Variants in ZNF516 observed in about 807,000 individuals in gnomAD.
ZNF516 encodes the protein zinc finger protein 516.
In ZNF516, 19 loss-of-function variants were observed where a neutral mutation model predicts 79.7. The observed-to-expected ratio is 0.24, with a 90% CI of 0.17 to 0.35. ZNF516 has a LOEUF of 0.35. Ranked by LOEUF, ZNF516 falls within the 10% of genes least tolerant of loss-of-function variation. The pLI is 1.00. For synonymous variants in ZNF516, 877 were observed against 739.5 expected (o/e 1.19, Z -3.02); for missense variants, 1,678 against 1,679.5 (o/e 1.00, Z 0.02).
chr18:76,424,672 C>T (rs561128168), intron 3 of ZNF516, among the ~76,000 whole-genome samples: 6 of 140,872 alleles, frequency 4.3e-5, no homozygotes, highest in East Asian at 2.2e-4. Context: ...CCATGAAACA[C>T]ACGCAGGTGA....
chr18:76,395,481 G>A (rs73978106), intron 3 of ZNF516, among the ~76,000 whole-genome samples: 1,689 of 152,264 alleles, frequency 0.011, 31 homozygotes, highest in African/African-American at 0.039. Context: ...AGCATGAAGC[G>A]CAAGATGAAT....
At chr18:76,475,803 T>TA (rs1009511676) in intron 1 of ZNF516, among the ~76,000 whole-genome samples, 26 of 151,396 alleles carry the variant, frequency 1.7e-4, no homozygotes, top group African/African-American at 4.4e-4. Flanking sequence ...TACGCAAAAT[T>TA]AAAAAAAAAT....
chr18:76,405,840 G>T (rs917116907), intron 3 of ZNF516, among the ~76,000 whole-genome samples: 1 of 152,144 alleles, frequency 6.6e-6, no homozygotes, highest in Admixed American at 6.5e-5. Context: ...GGTCAAAGGC[G>T]ACTCACCTTC....
At chr18:76,389,431 T>C (rs2075038803) in intron 3 of ZNF516, 1 of 152,158 alleles carries the variant, frequency 6.6e-6, no homozygotes, top group African/African-American at 2.4e-5. Context: ...AGCTGCCTTA[T>C]AAACAGTGCA....
intron 3 of ZNF516, among the ~76,000 whole-genome samples, chr18:76,414,636 C>A (rs1274979143): frequency 6.6e-6 from 1 of 152,222 alleles, no homozygotes; most frequent in African/African-American, 2.4e-5. Context: ...TTCATTAGCA[C>A]TGTAGTTGTT....
chr18:76,490,098 C>T (rs1207900874), intron 1 of ZNF516: 1 of 932,178 alleles, frequency 1.1e-6, no homozygotes, highest in Non-Finnish European at 1.3e-6. Context: ...CCTTAACACA[C>T]CAAAATTCAA....
At chr18:76,402,483 C>T (rs1240061123) in intron 3 of ZNF516, among the ~76,000 whole-genome samples, 1 of 152,158 alleles carries the variant, frequency 6.6e-6, no homozygotes, top group African/African-American at 2.4e-5. Flanking sequence ...CCCTCTGCCA[C>T]CCACGTGACA....
At chr18:76,479,278 C>A (rs1236892973) in intron 1 of ZNF516, among the ~76,000 whole-genome samples, 1 of 152,196 alleles carries the variant, frequency 6.6e-6, no homozygotes, top group East Asian at 1.9e-4. Flanking sequence ...TGCTAAAGAA[C>A]AGAACGTCCC....
At chr18:76,474,670 A>C (rs1914074047) in intron 1 of ZNF516, among the ~76,000 whole-genome samples, 1 of 152,218 alleles carries the variant, frequency 6.6e-6, no homozygotes, top group Non-Finnish European at 1.5e-5. Context: ...AAGAGTAACA[A>C]TAAATAAGAA....
intron 1 of ZNF516, among the ~76,000 whole-genome samples, chr18:76,465,049 G>A (rs1913375509): frequency 6.6e-6 from 1 of 152,248 alleles, no homozygotes; most frequent in Non-Finnish European, 1.5e-5. Flanking sequence ...AGAGGCTCCA[G>A]AGGTGCCAGG....
At chr18:76,365,490 C>A (rs1233388562) in intron 6 of ZNF516, among the ~76,000 whole-genome samples, 1 of 152,138 alleles carries the variant, frequency 6.6e-6, no homozygotes, top group African/African-American at 2.4e-5. Context: ...GACAAAACAC[C>A]CAGATTTCAA....
At chr18:76,366,393 A>C (rs2074611835) in intron 6 of ZNF516, among the ~76,000 whole-genome samples, 1 of 152,252 alleles carries the variant, frequency 6.6e-6, no homozygotes, top group Non-Finnish European at 1.5e-5. Flanking sequence ...AGAATGCAGC[A>C]AATGAGGTAA....
chr18:76,376,783 G>A (rs544197110), intron 4 of ZNF516, among the ~76,000 whole-genome samples: 7 of 152,220 alleles, frequency 4.6e-5, no homozygotes, highest in Non-Finnish European at 8.8e-5. Context: ...TAGGGTGCAC[G>A]CAGGCTGGAG....
intron 3 of ZNF516, 47 bp downstream of exon 3, chr18:76,441,197 CT>C (rs777078221): frequency 3.4e-5 from 54 of 1,572,434 alleles, no homozygotes; most frequent in Admixed American, 1.7e-4. Flanking sequence ...CAGGAACCCC[CT>C]GAGCCTGGGA....
At chr18:76,438,175 C>T (rs1429023793) in intron 3 of ZNF516, among the ~76,000 whole-genome samples, 1 of 152,264 alleles carries the variant, frequency 6.6e-6, no homozygotes, top group African/African-American at 2.4e-5. Context: ...ATGGCACGAA[C>T]TCTGACAGCA....
chr18:76,389,064 A>G (rs890132361), intron 3 of ZNF516: 40 of 152,428 alleles, frequency 2.6e-4, no homozygotes, highest in African/African-American at 7.5e-4. Flanking sequence ...GGACTGTTCC[A>G]CCCAAAACAG....
intron 3 of ZNF516, among the ~76,000 whole-genome samples, chr18:76,422,107 G>T (rs186852961): frequency 1.3e-5 from 2 of 152,338 alleles, no homozygotes; most frequent in East Asian, 3.9e-4. Flanking sequence ...ATCTATGCTA[G>T]TATCACCCAA....
At chr18:76,385,624 G>T (rs1354088527) in intron 3 of ZNF516, 1 of 152,220 alleles carries the variant, frequency 6.6e-6, no homozygotes, top group Non-Finnish European at 1.5e-5. Context: ...GTGCACATTT[G>T]TGCCTCTTTT....
intron 3 of ZNF516, chr18:76,389,435 C>T (rs2075038883): frequency 6.6e-6 from 1 of 152,322 alleles, no homozygotes; most frequent in Admixed American, 6.5e-5. Context: ...GCCTTATAAA[C>T]AGTGCATCCC....
Sources: allele counts gnomAD v4.1 joint callset (sites outside exome capture counted in the v4.1 genomes callset), GRCh38; gene constraint gnomAD v4.1.1; transcripts MANE v1.5; gene names NCBI Gene and HGNC (gene_info 2026-07-23, HGNC 2026-07-21).